NOL4L: variants seen among roughly 807,000 people sequenced by gnomAD.
The protein encoded by NOL4L is nucleolar protein 4-like.
NOL4L carries 7 observed loss-of-function variants against 64.5 expected under a neutral mutation model. That is an observed-to-expected ratio of 0.11 (90% CI 0.06 to 0.20). NOL4L has a LOEUF of 0.20. Among genes scored for constraint, NOL4L ranks in the 10% least tolerant of loss-of-function variants. The pLI is 1.00. For missense variants in NOL4L, 680 were observed against 967.1 expected, an observed-to-expected ratio of 0.70 and a Z score of 3.94; for synonymous variants, 413 against 401.0, an observed-to-expected ratio of 1.03 and a Z score of -0.36.
intron 4 of NOL4L, chr20:32,509,918 G>A: frequency 7.7e-7 from 1 of 1,304,296 alleles, no homozygotes; most frequent in South Asian, 1.2e-5. Flanking sequence ...TACGAAGCCA[G>A]GTGCCGGAGA....
At chr20:32,542,732 C>T (rs986764208) in intron 1 of NOL4L, among the ~76,000 whole-genome samples, 1 of 152,184 alleles carries the variant, frequency 6.6e-6, no homozygotes, top group Non-Finnish European at 1.5e-5. Flanking sequence ...CCAGCCATAA[C>T]ATGAAGCTGC....
rs2016563911 is a variant in NOL4L at position 32,493,897 on chromosome 20, A to G, written c.699+17450T>C. On this transcript the variant is annotated intron_variant, in intron 4 of 10. Coordinates refer to ENST00000621426, the MANE Select transcript of NOL4L (RefSeq NM_001256798.2). The stretch of plus-strand genomic sequence containing the variant: ...TTCTCTTTCCCCACCCCTTCCCTTG[A>G]GAAATAACAGCATTAAGATTGGAGA... Among the ~76,000 whole-genome samples, 3 of 152,030 alleles carry G rather than the reference A, an allele frequency of 2.0e-5. No homozygotes were observed. In the South Asian group the frequency reaches 6.2e-4, roughly 31 times the overall value.
chr20:32,501,732 G>A (rs2016930188), intron 4 of NOL4L, among the ~76,000 whole-genome samples: 1 of 152,162 alleles, frequency 6.6e-6, no homozygotes, highest in Admixed American at 6.5e-5. Context: ...GGGGGATGGA[G>A]TGGAGTTAGC....
At chr20:32,478,234 G>A (rs2015512748) in intron 4 of NOL4L, among the ~76,000 whole-genome samples, 1 of 137,174 alleles carries the variant, frequency 7.3e-6, no homozygotes, top group South Asian at 2.2e-4. Context: ...GGGTGATGAG[G>A]CTATATTTAC....
At chr20:32,584,169 A>C (rs1273387271) in intron 1 of NOL4L, among the ~76,000 whole-genome samples, 2 of 118,122 alleles carry the variant, frequency 1.7e-5, no homozygotes, top group Non-Finnish European at 1.8e-5. Context: ...ACACACACAC[A>C]CCGCCCAGCC....
intron 5 of NOL4L, among the ~76,000 whole-genome samples, chr20:32,458,277 C>G (rs2013738575): frequency 6.6e-6 from 1 of 152,246 alleles, no homozygotes; most frequent in Non-Finnish European, 1.5e-5. Context: ...TGGAGCTCTG[C>G]AATCTGCCTG....
chr20:32,475,530 T>A (rs2015336271), intron 4 of NOL4L, among the ~76,000 whole-genome samples: 1 of 152,186 alleles, frequency 6.6e-6, no homozygotes, highest in Non-Finnish European at 1.5e-5. Flanking sequence ...TGGCCAGTCA[T>A]CCGGGAACCC....
chr20:32,530,223 A>C (rs2145584186), intron 1 of NOL4L, among the ~76,000 whole-genome samples: 1 of 152,374 alleles, frequency 6.6e-6, no homozygotes, highest in African/African-American at 2.4e-5. Flanking sequence ...GGTGAAAATA[A>C]ACAAAATGAA....
chr20:32,566,446 G>C (rs1047289308), intron 1 of NOL4L, among the ~76,000 whole-genome samples: 2 of 152,144 alleles, frequency 1.3e-5, no homozygotes, highest in African/African-American at 4.8e-5. Flanking sequence ...GTGGGGACAG[G>C]CTACGAGGGC....
chr20:32,523,933 G>A (rs1211397503), intron 2 of NOL4L, among the ~76,000 whole-genome samples: 1 of 152,154 alleles, frequency 6.6e-6, no homozygotes, highest in Non-Finnish European at 1.5e-5. Flanking sequence ...GAGGCCAATT[G>A]GGGGGATTTG....
At chr20:32,494,840 C>T (rs991902196) in intron 4 of NOL4L, among the ~76,000 whole-genome samples, 8 of 152,196 alleles carry the variant, frequency 5.3e-5, no homozygotes, top group Admixed American at 2.0e-4. Flanking sequence ...GCACCAGCGG[C>T]GGCTCCTCCA....
intron 1 of NOL4L, among the ~76,000 whole-genome samples, chr20:32,581,458 G>A (rs1980466840): frequency 6.6e-6 from 1 of 152,212 alleles, no homozygotes; most frequent in East Asian, 1.9e-4. Context: ...CTAGGAGAGG[G>A]CCCTGACCAC....
At chr20:32,506,850 G>C (rs534581749) in intron 4 of NOL4L, among the ~76,000 whole-genome samples, 1 of 152,232 alleles carries the variant, frequency 6.6e-6, no homozygotes, top group Non-Finnish European at 1.5e-5. Flanking sequence ...GGCCAGGACA[G>C]AACAGTAGAG....
intron 1 of NOL4L, 88 bp from the exon 2 acceptor site, chr20:32,528,001 G>C (rs983834343): frequency 4.6e-6 from 6 of 1,299,816 alleles, no homozygotes; most frequent in Non-Finnish European, 4.2e-6. Context: ...GGGTCAGGAC[G>C]GGCAATGCCT....
At chr20:32,524,787 A>G (rs1234948359) in intron 2 of NOL4L, among the ~76,000 whole-genome samples, 1 of 152,184 alleles carries the variant, frequency 6.6e-6, no homozygotes, top group African/African-American at 2.4e-5. Context: ...GGGTCGAGGA[A>G]AATGGGAGCA....
At chr20:32,488,853 TTCTTTCTTTCTTTC>T (rs2016311336) in intron 4 of NOL4L, among the ~76,000 whole-genome samples, 1 of 100,652 alleles carries the variant, frequency 9.9e-6, no homozygotes, top group East Asian at 2.7e-4. Flanking sequence ...CTTTCTTTCT[TTCTTTCTTTCTTTC>T]TTTCTTTCTT....
chr20:32,453,911 C>T lies in NOL4L; in HGVS notation c.1120-150G>A, dbSNP rs2013199483. 2 of 678,234 alleles carry T rather than the reference C, an allele frequency of 2.9e-6. No individual in the cohort carries two copies. Among genetic ancestry groups the T allele is most frequent in the African/African-American group, 1.8e-5 (1 of 55,542 alleles). The allele number at this position is 678,234 out of a possible 1,614,324, so 42.0% of individuals were successfully genotyped here. A position where few individuals can be genotyped will look rare whatever the true frequency, so the allele number is the denominator to read the frequency against. The stretch of plus-strand genomic sequence containing the variant: ...GCTGCGAGGCCCTGAGCAAGTCACT[C>T]CCCTCTTCTGCTCCCTTCATCTGTG... On this transcript the variant is annotated intron_variant, in intron 6 of 10. Transcript: ENST00000621426. The surrounding 1 kb of genome is among the most constrained non-coding windows in gnomAD (Gnocchi z 5.6).
At chr20:32,579,226 C>T (rs1378943615) in intron 1 of NOL4L, among the ~76,000 whole-genome samples, 1 of 152,198 alleles carries the variant, frequency 6.6e-6, no homozygotes, top group Non-Finnish European at 1.5e-5. Context: ...GCAGAGGAGC[C>T]TCTCCACCTG....
At chr20:32,530,737 C>A (rs2018316278) in intron 1 of NOL4L, among the ~76,000 whole-genome samples, 1 of 152,064 alleles carries the variant, frequency 6.6e-6, no homozygotes, top group Non-Finnish European at 1.5e-5. Context: ...GCCTGACCAA[C>A]ATGGAGAAAC....
Sources: gnomAD v4.1 joint callset for allele counts (sites outside exome capture counted in the v4.1 genomes callset) on GRCh38, gnomAD v4.1.1 for gene constraint, Gnocchi (gnomAD v3.1) non-coding constraint, MANE v1.5 for transcripts, NCBI Gene and HGNC (gene_info 2026-07-23, HGNC 2026-07-21) for gene names.